CEP128: variants seen among roughly 807,000 people sequenced by gnomAD.
CEP128 encodes the protein centrosomal protein 128kDa.
A neutral mutation model predicts 156.7 loss-of-function variants in CEP128; 132 were observed. That is an observed-to-expected ratio of 0.84 (90% CI 0.73 to 0.97). CEP128 has a LOEUF of 0.97. Among genes scored for constraint, CEP128 ranks in the 50% least tolerant of loss-of-function variants. CEP128 has a pLI of 0.00. For synonymous variants in CEP128, 469 were observed against 448.9 expected, an observed-to-expected ratio of 1.04 and a Z score of -0.57; for missense variants, 1,252 against 1,281.9, an observed-to-expected ratio of 0.98 and a Z score of 0.36.
intron 8 of CEP128, among the ~76,000 whole-genome samples, chr14:80,887,944 G>A (rs7159337): frequency 0.066 from 10,037 of 151,826 alleles, 1,086 homozygotes; most frequent in African/African-American, 0.23. Context: ...TGATAAAAGG[G>A]GTATCACCAC....
chr14:80,516,180 T>C (rs1005072103), intron 23 of CEP128, among the ~76,000 whole-genome samples: 1 of 152,134 alleles, frequency 6.6e-6, no homozygotes, highest in African/African-American at 2.4e-5. Flanking sequence ...AGTCAGCAGG[T>C]GATAAATCTT....
chr14:80,694,468 C>G (rs1896820985), intron 19 of CEP128, among the ~76,000 whole-genome samples: 1 of 152,096 alleles, frequency 6.6e-6, no homozygotes, highest in Admixed American at 6.6e-5. Flanking sequence ...TACTGCAGCA[C>G]TATTTACAAT....
At chr14:80,685,355 GA>G (rs897950429) in intron 19 of CEP128, among the ~76,000 whole-genome samples, 2 of 149,820 alleles carry the variant, frequency 1.3e-5, no homozygotes, top group African/African-American at 4.9e-5. Context: ...CAACAGCCAT[GA>G]AAAAAAAATA....
At chr14:80,917,708 T>A (rs1177534718) in intron 2 of CEP128, among the ~76,000 whole-genome samples, 1 of 152,124 alleles carries the variant, frequency 6.6e-6, no homozygotes, top group Non-Finnish European at 1.5e-5. Context: ...ACTTCCAAGA[T>A]CTTTATTCTG....
At chr14:80,543,075 G>A (rs985943121) in intron 21 of CEP128, among the ~76,000 whole-genome samples, 1 of 152,172 alleles carries the variant, frequency 6.6e-6, no homozygotes, top group Non-Finnish European at 1.5e-5. Flanking sequence ...TGAATTTCTT[G>A]TGACAGGCAG....
intron 21 of CEP128, among the ~76,000 whole-genome samples, chr14:80,555,829 C>A (rs573645414): frequency 2.6e-5 from 4 of 152,268 alleles, no homozygotes; most frequent in East Asian, 1.9e-4. Context: ...TGCCTCAATT[C>A]TCTTTACAAT....
chr14:80,703,360 C>G (rs1897136402), intron 19 of CEP128, among the ~76,000 whole-genome samples: 1 of 151,964 alleles, frequency 6.6e-6, no homozygotes, highest in African/African-American at 2.4e-5. Flanking sequence ...AGTTAACAAG[C>G]CTTCAGTTAT....
intron 8 of CEP128, among the ~76,000 whole-genome samples, chr14:80,887,342 A>G (rs1250125601): frequency 6.6e-6 from 1 of 152,238 alleles, no homozygotes; most frequent in Non-Finnish European, 1.5e-5. Context: ...TTAGCACTGC[A>G]TAGCACTTAT....
chr14:80,811,431 G>T (rs328206), intron 13 of CEP128, among the ~76,000 whole-genome samples: 96,320 of 151,938 alleles, frequency 0.63, 30,901 homozygotes, highest in East Asian at 0.79. Context: ...CTCACCAGCA[G>T]CTCTTAGTTT....
intron 21 of CEP128, among the ~76,000 whole-genome samples, chr14:80,536,403 C>A (rs928238595): frequency 6.6e-6 from 1 of 151,984 alleles, no homozygotes; most frequent in African/African-American, 2.4e-5. Context: ...GAGATGATAT[C>A]TACATTTTTA....
At chr14:80,483,039 A>ACATCC (rs1887087600) in intron 14 of CEP128, among the ~76,000 whole-genome samples, 2 of 152,194 alleles carry the variant, frequency 1.3e-5, no homozygotes, top group Non-Finnish European at 2.9e-5. Flanking sequence ...CTGACCTGCC[A>ACATCC]TATCCTATAG....
chr14:80,901,193 G>A (rs903061355), intron 6 of CEP128, among the ~76,000 whole-genome samples: 9 of 151,588 alleles, frequency 5.9e-5, no homozygotes, highest in African/African-American at 1.9e-4. Context: ...GCGACAGAGC[G>A]AGACTCCGTC....
chr14:80,831,110 AT>A (rs773143906), intron 13 of CEP128, 32 bp downstream of exon 13: 1 of 1,596,428 alleles, frequency 6.3e-7, no homozygotes, highest in East Asian at 2.2e-5. Flanking sequence ...AAATTAAAAT[AT>A]TTCGAATATG....
chr14:80,541,443 T>TTTAAAAAA (rs1555372783), intron 21 of CEP128, among the ~76,000 whole-genome samples: 1 of 109,960 alleles, frequency 9.1e-6, no homozygotes. Flanking sequence ...ATGACTGTGT[T>TTTAAAAAA]AAAAAAAAAA....
chr14:80,712,796 C>A (rs1270714657), intron 19 of CEP128, among the ~76,000 whole-genome samples: 1 of 152,134 alleles, frequency 6.6e-6, no homozygotes, highest in African/African-American at 2.4e-5. Context: ...AGCTATTTTA[C>A]TGTTAATATG....
chr14:80,605,697 C>CA (rs1185984631), intron 19 of CEP128, among the ~76,000 whole-genome samples: 1 of 151,656 alleles, frequency 6.6e-6, no homozygotes, highest in African/African-American at 2.4e-5. Flanking sequence ...AGTGTCAAGG[C>CA]AAAAAAAGGC....
chr14:80,634,510 A>G (rs1476384366), intron 19 of CEP128, among the ~76,000 whole-genome samples: 6 of 152,048 alleles, frequency 3.9e-5, no homozygotes, highest in Non-Finnish European at 8.8e-5. Flanking sequence ...TTTTGAATAT[A>G]TTTTTCAATA....
intron 18 of CEP128, among the ~76,000 whole-genome samples, chr14:80,756,192 A>G (rs1187384096): frequency 6.6e-6 from 1 of 152,188 alleles, no homozygotes; most frequent in African/African-American, 2.4e-5. Flanking sequence ...TAAATTCCCT[A>G]TTCAGGTGGC....
chr14:80,901,596 T>C (rs771033836), intron 6 of CEP128, among the ~76,000 whole-genome samples: 2 of 152,216 alleles, frequency 1.3e-5, no homozygotes, highest in East Asian at 1.9e-4. Flanking sequence ...TGAAGTAGTA[T>C]AGTGAATGAA....
Sources: gnomAD v4.1 joint callset for allele counts (sites outside exome capture counted in the v4.1 genomes callset) on GRCh38, gnomAD v4.1.1 for gene constraint, MANE v1.5 for transcripts, NCBI Gene and HGNC (gene_info 2026-07-23, HGNC 2026-07-21) for gene names.